The following DDX3X variants were observed in gnomAD, a reference collection of about 807,000 sequenced individuals.
DDX3X encodes ATP-dependent RNA helicase DDX3X.
DDX3X carries 4 observed loss-of-function variants against 52.7 expected under a neutral mutation model. That is an observed-to-expected ratio of 0.08 (90% confidence interval 0.04 to 0.17). The LOEUF (loss-of-function observed/expected upper bound fraction) is 0.17, where lower values mean the gene tolerates loss of function less well. Among genes scored for constraint, DDX3X ranks in the 10% least tolerant of loss-of-function variants. The probability of loss-of-function intolerance (pLI) is 1.00; values close to 1 mark genes in which losing one functional copy is unlikely to be tolerated. For missense variants in DDX3X, 222 were observed against 548.6 expected, an observed-to-expected ratio of 0.40 and a Z score of 5.95; for synonymous variants, 192 against 178.1, an observed-to-expected ratio of 1.08 and a Z score of -0.62.
At chrX:41,345,738 T>A in intron 12 of DDX3X, 190 bp downstream of exon 12, 1 of 414,460 alleles carries the variant, frequency 2.4e-6, no homozygotes, top group African/African-American at 2.5e-5. Flanking sequence ...TTCCGGGAGG[T>A]TACCATGTTG....
At position 41,348,876 on chromosome X, in the gene DDX3X, T is replaced by C. The variant is rs1317862541; in HGVS notation, c.*1157T>C. 8.9e-6 allele frequency: 1 copy of C among 112,675 alleles called. No homozygotes were observed. 9.3% of individuals were successfully genotyped at this position (112,675 alleles called of 1,213,427 possible). On this transcript the variant is annotated 3_prime_UTR_variant, in exon 17 of 17. Coordinates refer to ENST00000644876, the MANE Select transcript of DDX3X (RefSeq NM_001356.5). ...GAGTAACAAACTGAAATCTTTGAGA[T>C]CACACAGGTTGGAAATATGTACATA...
chrX:41,350,593 A>G (rs1942684929), downstream of DDX3X: 2 of 111,472 alleles, frequency 1.8e-5, no homozygotes, highest in South Asian at 7.5e-4. Context: ...CAGTAGTCCA[A>G]CAAGTGATGG....
At chrX:41,334,031 A>AGCG (rs2063716092), upstream of DDX3X, 6 of 422,782 alleles carry the variant, frequency 1.4e-5, no homozygotes, top group Non-Finnish European at 2.5e-5. Flanking sequence ...GACCTGAGGG[A>AGCG]GCGCGCAGTA....
chrX:41,333,722 CAAAAACAAA>C (rs1360016987), upstream of DDX3X: 1 of 108,132 alleles, frequency 9.2e-6, no homozygotes, highest in East Asian at 2.9e-4. Flanking sequence ...AAAAAAAAAA[CAAAAACAAA>C]AAAAACGAAA....
In DDX3X at chrX:41,345,105, A is replaced by G. The variant is rs184226353; in HGVS notation, c.1026-75A>G. ...ATACAATTGTATTTGTAATTATACT[A>G]ACAGCCATACTAAAACCATGTTGAT... On this transcript the variant is annotated intron_variant, in intron 10 of 16. Transcript: ENST00000644876. 313 of 986,758 alleles carry G rather than the reference A, an allele frequency of 3.2e-4. 1 individual carries two copies. The African/African-American group carries it at 5.2e-3, about 16-fold the overall frequency. 81.3% of individuals were successfully genotyped at this position (986,758 alleles called of 1,213,427 possible).
downstream of DDX3X, among the ~76,000 whole-genome samples, chrX:41,354,068 T>C (rs1414141829): frequency 1.8e-5 from 2 of 111,547 alleles, no homozygotes; most frequent in Non-Finnish European, 3.8e-5. Flanking sequence ...ATGTATTTTC[T>C]AATAAAACTG....
At chrX:41,342,934 G>A in intron 6 of DDX3X, 98 bp downstream of exon 6, 1 of 707,668 alleles carries the variant, frequency 1.4e-6, no homozygotes, top group Non-Finnish European at 2.2e-6. Flanking sequence ...ATGTAGACCA[G>A]AGGCTTCATA....
At chrX:41,340,735 A>G in intron 3 of DDX3X, 1 of 294,713 alleles carries the variant, frequency 3.4e-6, no homozygotes, top group African/African-American at 2.7e-5. Flanking sequence ...GAAACTGAAA[A>G]ATACTGTATT....
At chrX:41,339,164 TG>T in intron 3 of DDX3X, 81 bp downstream of exon 3, 1 of 494,768 alleles carries the variant, frequency 2.0e-6, no homozygotes, top group South Asian at 5.1e-5. Flanking sequence ...ACCAGGCATT[TG>T]GGGGAGGTCT....
At position 41,347,305 on chromosome X, in the gene DDX3X, C is replaced by T; in HGVS notation, c.1770-7C>T. 1 of 1,196,539 alleles carries T rather than the reference C, an allele frequency of 8.4e-7. No homozygotes were observed. The highest frequency in any genetic ancestry group is 1.8e-5 in the South Asian group (1 of 55,335). ...TCATGTGAACCAACATAATTTTTTT[C>T]TTATAGTAGCAGATTTAGTGGAGGG... On this transcript the variant is annotated splice_polypyrimidine_tract_variant and splice_region_variant and intron_variant, in intron 15 of 16. Transcript: ENST00000644876.
chrX:41,341,654 T>C (rs201727573), intron 4 of DDX3X, 38 bp downstream of exon 4: 109 of 1,168,691 alleles, frequency 9.3e-5, no homozygotes, highest in Non-Finnish European at 1.2e-4. Flanking sequence ...GTATGTATAA[T>C]AACAGTTTAA....
At chrX:41,340,900 TACAGGC>T (rs2063840381) in intron 3 of DDX3X, 1 of 293,950 alleles carries the variant, frequency 3.4e-6, no homozygotes, top group Admixed American at 6.1e-5. Context: ...CATAATGCGT[TACAGGC>T]AAAGCTGTTG....
chrX:41,348,476 T>C lies in DDX3X; in HGVS notation c.*757T>C, dbSNP rs2063954013. 1 of 112,803 alleles carries C rather than the reference T, an allele frequency of 8.9e-6. No homozygotes were observed. Among genetic ancestry groups the C allele is most frequent in the Admixed American group, 9.4e-5 (1 of 10,604 alleles). The allele number at this position is 112,803 out of a possible 1,213,427, so 9.3% of individuals were successfully genotyped here. On this transcript the variant is annotated 3_prime_UTR_variant, in exon 17 of 17. Coordinates refer to ENST00000644876, the MANE Select transcript of DDX3X (RefSeq NM_001356.5). Reference sequence around the variant, plus strand: ...GCAAGTAAATACAGCAATTCCTCTTTCAACGTTTAGGCAGATCATTAATTA... The same window carrying C: ...GCAAGTAAATACAGCAATTCCTCTTCCAACGTTTAGGCAGATCATTAATTA...
At chrX:41,351,698 T>G (rs952014026), downstream of DDX3X, 1 of 111,817 alleles carries the variant, frequency 8.9e-6, no homozygotes. Context: ...TCATTTCAGT[T>G]TATGATCTAT....
At chrX:41,350,447 T>C (rs2063975048), downstream of DDX3X, 1 of 112,155 alleles carries the variant, frequency 8.9e-6, no homozygotes, top group African/African-American at 3.2e-5. Context: ...CCCTTACTGA[T>C]AATACAGCAT....
intron 14 of DDX3X, 75 bp from the exon 15 acceptor site, chrX:41,346,784 G>A (rs186478831): frequency 6.9e-5 from 70 of 1,020,120 alleles, no homozygotes; most frequent in Admixed American, 5.8e-4. Flanking sequence ...ATATTTCTAC[G>A]TAGGAAAGTA....
At chrX:41,337,579 A>T (rs1410219345) in intron 2 of DDX3X, 114 bp downstream of exon 2, 2 of 557,732 alleles carry the variant, frequency 3.6e-6, no homozygotes, top group African/African-American at 4.6e-5. Flanking sequence ...TGCTTAAAGA[A>T]TTATGTAGTC....
intron 12 of DDX3X, 67 bp downstream of exon 12, chrX:41,345,615 A>G: frequency 3.1e-6 from 3 of 953,279 alleles, no homozygotes; most frequent in East Asian, 6.3e-5. Context: ...GCTGGAGTGC[A>G]GGGGTTATTC....
At position 41,342,850 on chromosome X, in the gene DDX3X, CT is replaced by C; in HGVS notation, c.543+16del. 1 of 1,168,967 alleles carries C rather than the reference CT, an allele frequency of 8.6e-7. No individual in the cohort carries two copies. Among genetic ancestry groups the C allele is most frequent in the Non-Finnish European group, 1.2e-6 (1 of 856,900 alleles). ...CATATTGAAAGTGTGAGTATTTTTG[CT>C]TGACTTTTTAAGACACAGAGAGGTT... On this transcript the variant is annotated intron_variant, in intron 6 of 16. Transcript: ENST00000644876.
Sources: allele counts gnomAD v4.1 joint callset (sites outside exome capture counted in the v4.1 genomes callset), GRCh38; gene constraint gnomAD v4.1.1; transcripts MANE v1.5; gene names NCBI Gene and HGNC (gene_info 2026-07-23, HGNC 2026-07-21).